Variants in EML6 observed in about 807,000 individuals in gnomAD.
EML6 encodes EMAP like 6.
Under a neutral mutation model 240.1 loss-of-function variants are expected in EML6, and 154 were observed. That is an observed-to-expected ratio of 0.64 (90% CI 0.56 to 0.73). EML6 has a LOEUF of 0.73. Among genes scored for constraint, EML6 ranks in the 30% least tolerant of loss-of-function variants. The pLI is 0.00. For synonymous variants in EML6, 1,148 were observed against 899.0 expected, an observed-to-expected ratio of 1.28 and a Z score of -4.95; for missense variants, 2,964 against 2,474.6, an observed-to-expected ratio of 1.20 and a Z score of -4.20.
At chr2:54,855,674 C>T (rs1670337060) in intron 11 of EML6, among the ~76,000 whole-genome samples, 6 of 152,078 alleles carry the variant, frequency 3.9e-5, no homozygotes, top group Admixed American at 3.9e-4. Flanking sequence ...GTAGCAAAAC[C>T]CACCTCAGCA....
rs746682537 is a variant in EML6 at position 54,948,939 on chromosome 2, C to CA, written c.4070dup (p.Lys1358GlufsTer4). ...AGAAACTGCAGAAGAACAATATCAC[C>CA]AAAAAAAAGAAACTGGTTGAGGTGA... On this transcript the variant is annotated frameshift_variant, in exon 29 of 42. Transcript: ENST00000356458. LOFTEE classifies it high-confidence loss of function. The CA allele has an allele frequency of 2.2e-5, 34 of 1,536,678 alleles. No individual in the cohort carries two copies. The highest frequency in any genetic ancestry group is 2.5e-5 in the Non-Finnish European group (28 of 1,134,156).
intron 2 of EML6, among the ~76,000 whole-genome samples, chr2:54,749,689 G>C (rs961814137): frequency 6.6e-6 from 1 of 152,072 alleles, no homozygotes; most frequent in Non-Finnish European, 1.5e-5. Flanking sequence ...GTTTACTGAA[G>C]AAGAAACTGA....
chr2:54,867,104 C>G (rs147935304), intron 14 of EML6: 3,661 of 365,740 alleles, frequency 0.01, 50 homozygotes, highest in South Asian at 0.011. Flanking sequence ...GTGTGATTGT[C>G]TCTAGATTTC....
intron 2 of EML6, among the ~76,000 whole-genome samples, chr2:54,747,661 T>C (rs1683973389): frequency 1.3e-5 from 2 of 152,198 alleles, no homozygotes; most frequent in African/African-American, 4.8e-5. Context: ...GTAAGGGAAA[T>C]TGGAACTTTA....
intron 27 of EML6, 34 bp downstream of exon 27, chr2:54,928,548 C>T (rs1018653040): frequency 4.6e-5 from 71 of 1,548,476 alleles, no homozygotes; most frequent in African/African-American, 3.0e-4. Context: ...CCTCCTGCGC[C>T]GAATGCACCT....
intron 16 of EML6, among the ~76,000 whole-genome samples, chr2:54,873,176 A>C (rs1024865275): frequency 6.6e-6 from 1 of 152,242 alleles, no homozygotes; most frequent in Non-Finnish European, 1.5e-5. Flanking sequence ...TCATTGCCTG[A>C]CCAATGCAAC....
At chr2:54,853,061 T>A (rs1317563451) in intron 10 of EML6, among the ~76,000 whole-genome samples, 2 of 152,342 alleles carry the variant, frequency 1.3e-5, no homozygotes, top group African/African-American at 2.4e-5. Flanking sequence ...TAAATTTAAA[T>A]AATATTCACT....
intron 16 of EML6, among the ~76,000 whole-genome samples, chr2:54,874,545 C>T (rs991535754): frequency 6.6e-6 from 1 of 152,084 alleles, no homozygotes; most frequent in Non-Finnish European, 1.5e-5. Context: ...GGAAATTCAC[C>T]TTTTTGTCTT....
At chr2:54,785,851 T>C in intron 2 of EML6, among the ~76,000 whole-genome samples, 1 of 152,110 alleles carries the variant, frequency 6.6e-6, no homozygotes, top group African/African-American at 2.4e-5. Flanking sequence ...AAAAATGTTT[T>C]AGTGTATTTA....
chr2:54,796,069 G>C (rs354945), intron 2 of EML6, among the ~76,000 whole-genome samples: 132,563 of 152,088 alleles, frequency 0.87, 58,145 homozygotes, highest in African/African-American at 0.96. Flanking sequence ...AACTTTCTCA[G>C]AGAAAAATTA....
chr2:54,925,209 C>T (rs1674478738), intron 26 of EML6, among the ~76,000 whole-genome samples: 2 of 152,158 alleles, frequency 1.3e-5, no homozygotes, highest in Non-Finnish European at 2.9e-5. Flanking sequence ...GCCCGCTCTT[C>T]CTGTGAGCAC....
intron 2 of EML6, among the ~76,000 whole-genome samples, chr2:54,756,911 G>A (rs547581652): frequency 4.3e-4 from 65 of 151,684 alleles, no homozygotes; most frequent in African/African-American, 1.5e-3. Flanking sequence ...AAGCTTTTTG[G>A]TAGTTTTGAG....
At chr2:54,789,915 T>C (rs1455744574) in intron 2 of EML6, among the ~76,000 whole-genome samples, 1 of 152,324 alleles carries the variant, frequency 6.6e-6, no homozygotes, top group East Asian at 1.9e-4. Flanking sequence ...CTGATTGACT[T>C]CTCTGGCTCT....
intron 17 of EML6, among the ~76,000 whole-genome samples, chr2:54,886,157 C>CTTT (rs1558650389): frequency 7.8e-5 from 9 of 115,268 alleles, no homozygotes; most frequent in Non-Finnish European, 7.4e-5. Context: ...TTTTTTTAAC[C>CTTT]TTCTTTTTTT....
intron 2 of EML6, among the ~76,000 whole-genome samples, chr2:54,737,565 G>A (rs1683452572): frequency 6.6e-6 from 1 of 152,144 alleles, no homozygotes; most frequent in Non-Finnish European, 1.5e-5. Flanking sequence ...TGTATGCATT[G>A]TCTTCTTCAA....
intron 28 of EML6, among the ~76,000 whole-genome samples, chr2:54,947,170 C>G (rs114431717): frequency 6.6e-6 from 1 of 152,218 alleles, no homozygotes; most frequent in Non-Finnish European, 1.5e-5. Flanking sequence ...TTGTCATACA[C>G]TTAAACGTTC....
chr2:54,950,667 C>A lies in EML6; in HGVS notation c.4101C>A (p.His1367Gln), dbSNP rs777558884. 6.4e-7 allele frequency: 1 copy of A among 1,551,514 alleles called. No individual in the cohort carries two copies. Among genetic ancestry groups the A allele is most frequent in the Non-Finnish European group, 8.7e-7 (1 of 1,146,980 alleles). The change falls in exon 30 of 42, where the codon CAC becomes CAA. Residue 1367 changes from histidine (H) to glutamine (Q), a missense_variant. Transcript: ENST00000356458. Reference sequence around the variant, plus strand: ...GAATGCAGGAGCTGGCTCTAGACCACGTGTTTGGCTACAGAGGTTTCGACT... The same window carrying A: ...GAATGCAGGAGCTGGCTCTAGACCAAGTGTTTGGCTACAGAGGTTTCGACT... ...KKLVEELALD[H>Q]VFGYRGFDCR...
chr2:54,821,163 T>G (rs773474819), intron 5 of EML6, among the ~76,000 whole-genome samples: 1 of 152,174 alleles, frequency 6.6e-6, no homozygotes, highest in Non-Finnish European at 1.5e-5. Flanking sequence ...CTTTCTTGAA[T>G]AGAGCATGCA....
At chr2:54,804,606 T>G (rs923217321) in intron 2 of EML6, among the ~76,000 whole-genome samples, 7 of 152,232 alleles carry the variant, frequency 4.6e-5, no homozygotes, top group Non-Finnish European at 1.0e-4. Flanking sequence ...TGCCTTCTTG[T>G]GTCAGTTAAT....
Sources: gnomAD v4.1 joint callset for allele counts (sites outside exome capture counted in the v4.1 genomes callset) on GRCh38, gnomAD v4.1.1 for gene constraint, MANE v1.5 for transcripts, NCBI Gene and HGNC (gene_info 2026-07-23, HGNC 2026-07-21) for gene names.